Variants in SLC9A6 observed in about 807,000 individuals in gnomAD.
SLC9A6 encodes the protein sodium/hydrogen exchanger 6.
SLC9A6 carries 6 observed loss-of-function variants against 45.3 expected under a neutral mutation model. The ratio of observed to expected loss-of-function variants is 0.13; its 90% CI spans 0.07 to 0.26. The LOEUF is 0.26. Ranked by LOEUF, SLC9A6 falls within the 10% of genes least tolerant of loss-of-function variation. SLC9A6 has a pLI of 1.00. For missense variants in SLC9A6, 278 were observed against 503.7 expected, an observed-to-expected ratio of 0.55 and a Z score of 4.29; for synonymous variants, 191 against 187.7, an observed-to-expected ratio of 1.02 and a Z score of -0.14.
chrX:136,022,387 C>T (rs781804967), intron 11 of SLC9A6, among the ~76,000 whole-genome samples, 199 bp from the exon 12 acceptor site: 1 of 111,421 alleles, frequency 9.0e-6, no homozygotes, highest in Non-Finnish European at 1.9e-5. Flanking sequence ...CAGGTGCTCA[C>T]CAAATTGGAC....
At chrX:135,997,133 C>T (rs1022100476) in intron 3 of SLC9A6, among the ~76,000 whole-genome samples, 3 of 109,570 alleles carry the variant, frequency 2.7e-5, no homozygotes, top group Admixed American at 9.8e-5. Flanking sequence ...GGCACAATCT[C>T]GGCTCCTCCG....
Position 135,998,973 on chromosome X carries a change from G to A in SLC9A6, c.637+5G>A. On this transcript the variant is annotated splice_donor_5th_base_variant and intron_variant, in intron 6 of 17. Coordinates refer to ENST00000630721, the MANE Select transcript of SLC9A6 (RefSeq NM_001379110.1). ...TTGTATCAGCAACTGATCCAGGTAT[G>A]TTTTATATGAGTGGAGTTTACATAC... 5.5e-6 allele frequency: 6 copies of A among 1,090,633 alleles called. No individual in the cohort carries two copies. The highest frequency in any genetic ancestry group is 7.6e-6 in the Non-Finnish European group (6 of 785,361). The allele number at this position is 1,090,633 out of a possible 1,213,427, so 89.9% of individuals were successfully genotyped here.
intron 11 of SLC9A6, among the ~76,000 whole-genome samples, chrX:136,022,058 C>G (rs781999399): frequency 1.7e-3 from 185 of 111,843 alleles, no homozygotes; most frequent in African/African-American, 5.9e-3. Context: ...TACAGTGGGA[C>G]TGGTAGCCAT....
intron 9 of SLC9A6, 119 bp from the exon 10 acceptor site, chrX:136,013,230 A>G: frequency 2.6e-6 from 2 of 761,987 alleles, no homozygotes; most frequent in Non-Finnish European, 4.1e-6. Context: ...CCTCTTAACA[A>G]AGTAAGTCAC....
intron 13 of SLC9A6, among the ~76,000 whole-genome samples, chrX:136,027,339 T>C (rs1337316236): frequency 1.8e-5 from 2 of 111,540 alleles, no homozygotes; most frequent in African/African-American, 6.5e-5. Context: ...ATGGTGCCAG[T>C]TAAACAGTCA....
In SLC9A6 at chrX:135,985,453, C is replaced by A; in HGVS notation, c.-81C>A. 1 of 970,208 alleles carries A rather than the reference C, an allele frequency of 1.0e-6. No homozygotes were observed. Among genetic ancestry groups the A allele is most frequent in the South Asian group, 2.7e-5 (1 of 36,389 alleles). 80.0% of individuals were successfully genotyped at this position (970,208 alleles called of 1,213,427 possible). On this transcript the variant is annotated 5_prime_UTR_variant, in exon 1 of 18. Transcript: ENST00000630721. ...TTCCCGTGAGCCCTCGGGGAGTGGT[C>A]CGACCGCGGGCGGCCGCCGGTGAGG...
chrX:135,991,164 G>A (rs1269987117), intron 2 of SLC9A6, among the ~76,000 whole-genome samples: 1 of 111,312 alleles, frequency 9.0e-6, no homozygotes, highest in East Asian at 2.8e-4. Flanking sequence ...TACTGTTCAC[G>A]AATGAATCAT....
At chrX:136,010,127 C>T in intron 7 of SLC9A6, 2 of 291,608 alleles carry the variant, frequency 6.9e-6, no homozygotes, top group South Asian at 1.0e-4. Flanking sequence ...ACTAGTAATT[C>T]TGAAACAGAA....
At chrX:136,037,248 A>T (rs2071426765) in intron 16 of SLC9A6, among the ~76,000 whole-genome samples, 1 of 111,757 alleles carries the variant, frequency 8.9e-6, no homozygotes, top group Non-Finnish European at 1.9e-5. Flanking sequence ...ACACATGTGC[A>T]TGTGCACACA....
At chrX:136,017,176 T>C (rs1175372797) in intron 11 of SLC9A6, among the ~76,000 whole-genome samples, 2 of 110,859 alleles carry the variant, frequency 1.8e-5, no homozygotes, top group Non-Finnish European at 3.8e-5. Flanking sequence ...CCCTCTCTCT[T>C]TCTCTCATAT....
chrX:136,017,225 G>A (rs2071035935), intron 11 of SLC9A6, among the ~76,000 whole-genome samples: 1 of 109,586 alleles, frequency 9.1e-6, no homozygotes, highest in African/African-American at 3.3e-5. Flanking sequence ...CCCCAACCTG[G>A]GCAATGTAGC....
chrX:136,023,224 G>C (rs1603214527), intron 12 of SLC9A6, among the ~76,000 whole-genome samples: 1 of 44,172 alleles, frequency 2.3e-5, no homozygotes, highest in East Asian at 8.4e-4. Context: ...TATATATATA[G>C]TGTCCCATTC....
rs782800205 is a variant in SLC9A6 at position 135,991,843 on chromosome X, C to T, written c.170-2943C>T. 9.2e-4 allele frequency among the ~76,000 whole-genome samples: 102 copies of T among 110,310 alleles called. 1 individual carries two copies. The highest frequency in any genetic ancestry group is 3.3e-3 in the African/African-American group (100 of 30,254). On this transcript the variant is annotated intron_variant, in intron 2 of 17. Coordinates refer to ENST00000630721, the MANE Select transcript of SLC9A6 (RefSeq NM_001379110.1). ...ACTCCTGTGGGTTTTCCTTCTCAGA[C>T]TCCTTCATCAGCTCCTTCTCCTCTA...
upstream of SLC9A6, chrX:135,985,125 A>G (rs1307553818): frequency 1.4e-5 from 2 of 140,417 alleles, no homozygotes; most frequent in Non-Finnish European, 2.8e-5. Flanking sequence ...CTGGGGGACG[A>G]TATTGAGATG....
chrX:136,006,947 A>AC (rs782199736), intron 7 of SLC9A6, among the ~76,000 whole-genome samples: 150 of 109,876 alleles, frequency 1.4e-3, no homozygotes, highest in Non-Finnish European at 2.2e-3. Flanking sequence ...GCTCACTGCT[A>AC]CCTCCGCCTC....
chrX:136,016,045 T>A (rs2071013064), intron 10 of SLC9A6, among the ~76,000 whole-genome samples: 2 of 110,978 alleles, frequency 1.8e-5, no homozygotes, highest in Non-Finnish European at 1.9e-5. Context: ...TCTGCTATCC[T>A]ACAGATCGAT....
At chrX:136,020,532 G>C (rs781886992) in intron 11 of SLC9A6, among the ~76,000 whole-genome samples, 3 of 110,329 alleles carry the variant, frequency 2.7e-5, no homozygotes, top group Non-Finnish European at 5.7e-5. Context: ...CACCACGCCC[G>C]GCTAATTTTT....
chrX:136,007,320 G>A (rs1329408616), intron 7 of SLC9A6, among the ~76,000 whole-genome samples: 1 of 109,967 alleles, frequency 9.1e-6, no homozygotes, highest in African/African-American at 3.3e-5. Flanking sequence ...TGGCCTAGTG[G>A]GTAGAAGTTT....
chrX:136,020,335 C>G, intron 11 of SLC9A6, among the ~76,000 whole-genome samples: 1 of 109,530 alleles, frequency 9.1e-6, no homozygotes, highest in East Asian at 2.8e-4. Flanking sequence ...TTGTTTTATT[C>G]AGTCATTTTT....
Sources: allele counts gnomAD v4.1 joint callset (sites outside exome capture counted in the v4.1 genomes callset), GRCh38; gene constraint gnomAD v4.1.1; transcripts MANE v1.5; gene names NCBI Gene and HGNC (gene_info 2026-07-23, HGNC 2026-07-21).